The following DLG5 variants were observed in gnomAD, a reference collection of about 807,000 sequenced individuals.
The protein encoded by DLG5 is discs large MAGUK scaffold protein 5.
A neutral mutation model predicts 189.8 loss-of-function variants in DLG5; 48 were observed. That is an observed-to-expected ratio of 0.25 (90% CI 0.20 to 0.32). The LOEUF is 0.32. Ranked by LOEUF, DLG5 falls within the 10% of genes least tolerant of loss-of-function variation. The pLI is 1.00. For synonymous variants in DLG5, 1,016 were observed against 1,054.1 expected, an observed-to-expected ratio of 0.96 and a Z score of 0.70; for missense variants, 2,160 against 2,544.7, an observed-to-expected ratio of 0.85 and a Z score of 3.25.
the DLG5 span, among the ~76,000 whole-genome samples, chr10:77,936,297 G>A: frequency 1.3e-5 from 2 of 152,100 alleles, no homozygotes; most frequent in Non-Finnish European, 2.9e-5. Flanking sequence ...AGTTAGCTGG[G>A]CGTGGTGGTG....
At position 77,817,116 on chromosome 10, in the gene DLG5, C is replaced by G; in HGVS notation, c.3785-20G>C. ...AAGAACCTATTGTTCCATAAGGGAA[C>G]AAAACTTCAGGCCTCATGGTTAAAC... is the stretch of plus-strand genomic sequence containing the variant. On this transcript the variant is annotated intron_variant, in intron 18 of 31. Transcript: ENST00000372391. 1.2e-6 allele frequency: 2 copies of G among 1,612,760 alleles called. No homozygotes were observed. The highest frequency in any genetic ancestry group is 1.3e-5 in the African/African-American group (1 of 74,996).
intron 1 of DLG5, among the ~76,000 whole-genome samples, chr10:77,910,987 GAAAAAAAAAAAA>G (rs55832630): frequency 0.016 from 1,341 of 84,280 alleles, 34 homozygotes; most frequent in African/African-American, 0.052. Context: ...CTGTCTGAAG[GAAAAAAAAAAAA>G]AAAAAAAAAA....
At chr10:77,857,411 C>A (rs1341816149) in intron 2 of DLG5, among the ~76,000 whole-genome samples, 1 of 152,250 alleles carries the variant, frequency 6.6e-6, no homozygotes, top group Admixed American at 6.5e-5. Context: ...TCGACCAGGG[C>A]TGGACAGTGC....
At chr10:77,871,799 T>C (rs999448769) in intron 1 of DLG5, among the ~76,000 whole-genome samples, 2 of 151,996 alleles carry the variant, frequency 1.3e-5, no homozygotes, top group African/African-American at 2.4e-5. Flanking sequence ...GGCCTCAGCC[T>C]CCCAAAGTGC....
intron 5 of DLG5, among the ~76,000 whole-genome samples, chr10:77,848,022 C>T (rs543260826): frequency 7.6e-4 from 115 of 152,234 alleles, no homozygotes; most frequent in Admixed American, 2.6e-3. Flanking sequence ...TCAACTTTTC[C>T]ACTCAGGCAG....
chr10:77,831,332 G>C (rs1044656293), intron 9 of DLG5, among the ~76,000 whole-genome samples: 1 of 152,134 alleles, frequency 6.6e-6, no homozygotes, highest in African/African-American at 2.4e-5. Flanking sequence ...CAGGGAGGCA[G>C]AGGTTGCAGG....
Position 77,816,421 on chromosome 10 carries a change from G to A in DLG5, c.4025+130C>T, listed in dbSNP as rs1842053601. 3.5e-6 allele frequency: 5 copies of A among 1,415,224 alleles called. No homozygotes were observed. In the East Asian group the frequency reaches 1.2e-4, roughly 33 times the overall value. The allele number at this position is 1,415,224 out of a possible 1,614,324, so 87.7% of individuals were successfully genotyped here. ...CCCATGGCACTTACTGGTGACACCA[G>A]CAAATGCTGGGACACTCAAGCTACT... is the stretch of plus-strand genomic sequence containing the variant. On this transcript the variant is annotated intron_variant, in intron 20 of 31. Coordinates refer to ENST00000372391, the MANE Select transcript of DLG5 (RefSeq NM_004747.4).
At chr10:77,897,734 G>A (rs1024559389) in intron 1 of DLG5, among the ~76,000 whole-genome samples, 3 of 150,498 alleles carry the variant, frequency 2.0e-5, no homozygotes, top group African/African-American at 4.9e-5. Flanking sequence ...AGATAGGAAA[G>A]AGACAAAAGA....
At chr10:77,872,826 GCTC>G (rs1844956130) in intron 1 of DLG5, among the ~76,000 whole-genome samples, 1 of 151,996 alleles carries the variant, frequency 6.6e-6, no homozygotes, top group South Asian at 2.1e-4. Flanking sequence ...CAAATTTGGT[GCTC>G]CTCATCTTCT....
Position 77,841,890 on chromosome 10 carries a change from C to A in DLG5, c.1428G>T (p.Ala476=), listed in dbSNP as rs199678400. The A allele has an allele frequency of 6.2e-7, 1 of 1,606,552 alleles. No homozygotes were observed. The highest frequency in any genetic ancestry group is 1.3e-5 in the African/African-American group (1 of 74,992). ...CGGCCCACCCACCTACCTGCCGCAG[C>A]GCCTCCATCTCCTCATTGGCCGCCT... ...EKKAANEEME[A]LRQIKDTVTM... The change falls in exon 7 of 32, where the codon GCG becomes GCT. Residue 476 remains alanine (A), a synonymous_variant. Transcript: ENST00000372391.
rs1842096300 is a variant in DLG5 at position 77,817,078 on chromosome 10, T to C, written c.3803A>G (p.Gln1268Arg). Residue 1268 changes from glutamine to arginine, a missense_variant, in exon 19 of 32, where the codon CAG (glutamine) becomes CGG (arginine). Physicochemically the swap from Gln to Arg is conservative, Grantham distance 43. Transcript: ENST00000372391. The part of the protein sequence containing the change: ...SARLGSSSNL[Q>R]FKAERIKIPS... ...GATTTTAATGCGTTCCGCCTTGAAC[T>C]GCAAGTTACTCGAAGAACCTATTGT... 6.2e-7 allele frequency: 1 copy of C among 1,614,184 alleles called. No homozygotes were observed. Among genetic ancestry groups the C allele is most frequent in the Non-Finnish European group, 8.5e-7 (1 of 1,180,040 alleles).
the DLG5 span, among the ~76,000 whole-genome samples, chr10:77,937,425 C>T: frequency 6.6e-6 from 1 of 152,260 alleles, no homozygotes; most frequent in African/African-American, 2.4e-5. Flanking sequence ...GATGTCTTTG[C>T]CTCCCAGACA....
chr10:77,823,917 G>C (rs553733440), intron 14 of DLG5, among the ~76,000 whole-genome samples: 1 of 152,204 alleles, frequency 6.6e-6, no homozygotes, highest in Admixed American at 6.5e-5. Context: ...CGACCTCCCA[G>C]GCTTTTTGTA....
At chr10:77,841,233 G>C (rs1459695647) in intron 7 of DLG5, among the ~76,000 whole-genome samples, 1 of 152,164 alleles carries the variant, frequency 6.6e-6, no homozygotes, top group Non-Finnish European at 1.5e-5. Flanking sequence ...GAGGTTGACA[G>C]GTAGGAAGGA....
At chr10:77,885,145 T>C (rs1346692464) in intron 1 of DLG5, among the ~76,000 whole-genome samples, 1 of 152,186 alleles carries the variant, frequency 6.6e-6, no homozygotes, top group Non-Finnish European at 1.5e-5. Context: ...CAAGCTTTCA[T>C]CATGACCCAT....
At chr10:77,820,040 T>G in intron 15 of DLG5, 22 bp from the exon 16 acceptor site, 1 of 1,611,456 alleles carries the variant, frequency 6.2e-7, no homozygotes, top group Non-Finnish European at 8.5e-7. Flanking sequence ...AGGGCAAGAG[T>G]GTCTGCTAGA....
chr10:77,884,462 G>C (rs1472658607), intron 1 of DLG5, among the ~76,000 whole-genome samples: 1 of 152,080 alleles, frequency 6.6e-6, no homozygotes, highest in Non-Finnish European at 1.5e-5. Context: ...CGTCTGCCTT[G>C]GGCAAGTCGG....
intron 23 of DLG5, among the ~76,000 whole-genome samples, 155 bp from the exon 24 acceptor site, chr10:77,809,885 G>C (rs571275938): frequency 1.3e-5 from 2 of 152,264 alleles, no homozygotes; most frequent in African/African-American, 2.4e-5. Context: ...CTGGCTCGGC[G>C]TTCGGGACAG....
intron 7 of DLG5, 84 bp from the exon 8 acceptor site, chr10:77,836,006 G>C (rs991156314): frequency 7.0e-7 from 1 of 1,435,538 alleles, no homozygotes; most frequent in African/African-American, 1.4e-5. Flanking sequence ...GGGGGCCAAG[G>C]CTGAGGCTCT....
Sources: gnomAD v4.1 joint callset for allele counts (sites outside exome capture counted in the v4.1 genomes callset) on GRCh38, gnomAD v4.1.1 for gene constraint, MANE v1.5 for transcripts, NCBI Gene and HGNC (gene_info 2026-07-23, HGNC 2026-07-21) for gene names.